The following CHST11 variants were observed in gnomAD, a reference collection of about 807,000 sequenced individuals.
CHST11 encodes the protein C4S-1.
Under a neutral mutation model 30.4 loss-of-function variants are expected in CHST11, and 9 were observed. The observed-to-expected ratio is 0.30, with a 90% confidence interval of 0.18 to 0.52. CHST11 has a LOEUF of 0.52. Ranked by LOEUF, CHST11 falls within the 20% of genes least tolerant of loss-of-function variation. The pLI is 0.97. For missense variants in CHST11, 348 were observed against 460.6 expected, an observed-to-expected ratio of 0.76 and a Z score of 2.24; for synonymous variants, 152 against 187.8, an observed-to-expected ratio of 0.81 and a Z score of 1.56.
intron 1 of CHST11, among the ~76,000 whole-genome samples, chr12:104,516,139 T>C (rs2038020475): frequency 6.6e-6 from 1 of 152,208 alleles, no homozygotes; most frequent in South Asian, 2.1e-4. Context: ...TGCTGGAAGC[T>C]GTCCTGTGCA....
intron 1 of CHST11, among the ~76,000 whole-genome samples, chr12:104,578,994 C>G (rs974218632): frequency 2.6e-5 from 4 of 152,192 alleles, no homozygotes; most frequent in Non-Finnish European, 5.9e-5. Context: ...CTCAAAGTAG[C>G]AACAAAAAGC....
intron 1 of CHST11, among the ~76,000 whole-genome samples, chr12:104,495,017 TTC>T (rs1431360434): frequency 6.6e-6 from 1 of 152,172 alleles, no homozygotes; most frequent in East Asian, 1.9e-4. Flanking sequence ...CCGTTCTACT[TTC>T]TGTTTCTATG....
At chr12:104,708,259 G>A (rs956167309) in intron 2 of CHST11, among the ~76,000 whole-genome samples, 2 of 152,232 alleles carry the variant, frequency 1.3e-5, no homozygotes, top group Non-Finnish European at 2.9e-5. Context: ...CCTTGGTCAG[G>A]TTACTTTATT....
chr12:104,679,294 C>G (rs1332689879), intron 2 of CHST11, among the ~76,000 whole-genome samples: 1 of 152,138 alleles, frequency 6.6e-6, no homozygotes, highest in African/African-American at 2.4e-5. Flanking sequence ...CAAATGCCTT[C>G]TCCACAGTTT....
intron 1 of CHST11, among the ~76,000 whole-genome samples, chr12:104,531,306 T>C (rs988567676): frequency 1.3e-5 from 2 of 151,850 alleles, no homozygotes; most frequent in Non-Finnish European, 2.9e-5. Flanking sequence ...CTGGGCAACA[T>C]AGTGGGACCT....
intron 2 of CHST11, among the ~76,000 whole-genome samples, chr12:104,622,171 A>G (rs1192375858): frequency 6.6e-6 from 1 of 152,212 alleles, no homozygotes; most frequent in Non-Finnish European, 1.5e-5. Context: ...CACACATTCA[A>G]CCTGAAATTT....
chr12:104,637,864 C>G (rs942730430), intron 2 of CHST11, among the ~76,000 whole-genome samples: 4 of 152,116 alleles, frequency 2.6e-5, no homozygotes, highest in African/African-American at 9.7e-5. Flanking sequence ...TTTGCCGCAC[C>G]CCCCCACCCC....
intron 1 of CHST11, among the ~76,000 whole-genome samples, chr12:104,574,095 A>C (rs2038658078): frequency 6.6e-6 from 1 of 152,220 alleles, no homozygotes; most frequent in South Asian, 2.1e-4. Flanking sequence ...ATGCAGCCAA[A>C]AGACACATGA....
intron 2 of CHST11, among the ~76,000 whole-genome samples, chr12:104,704,191 T>C (rs1039608304): frequency 2.0e-5 from 3 of 152,166 alleles, no homozygotes; most frequent in Admixed American, 6.5e-5. Context: ...CACTTCGATA[T>C]ATTCTGGAAG....
At chr12:104,566,374 G>T (rs189268101) in intron 1 of CHST11, among the ~76,000 whole-genome samples, 2 of 152,196 alleles carry the variant, frequency 1.3e-5, no homozygotes, top group Admixed American at 6.5e-5. Context: ...GTTGGGGTGG[G>T]GGGGCGGTCT....
At chr12:104,699,738 C>T (rs1262325371) in intron 2 of CHST11, among the ~76,000 whole-genome samples, 1 of 152,186 alleles carries the variant, frequency 6.6e-6, no homozygotes, top group Admixed American at 6.5e-5. Flanking sequence ...GTAACTGGAG[C>T]CCTTTTGTTC....
chr12:104,674,828 G>A (rs1042197421), intron 2 of CHST11, among the ~76,000 whole-genome samples: 5 of 151,936 alleles, frequency 3.3e-5, no homozygotes, highest in African/African-American at 9.7e-5. Flanking sequence ...GGTATAAAAA[G>A]GATGGTCTTT....
At chr12:104,481,115 T>G (rs537797086) in intron 1 of CHST11, among the ~76,000 whole-genome samples, 1 of 152,216 alleles carries the variant, frequency 6.6e-6, no homozygotes, top group African/African-American at 2.4e-5. Flanking sequence ...TCTGCTCTGC[T>G]GTAACACTGC....
chr12:104,544,284 T>C (rs1303524608), intron 1 of CHST11, among the ~76,000 whole-genome samples: 1 of 152,120 alleles, frequency 6.6e-6, no homozygotes, highest in African/African-American at 2.4e-5. Flanking sequence ...GCTAATTTCT[T>C]AGAAAATAAT....
At chr12:104,646,171 G>A (rs191224963) in intron 2 of CHST11, among the ~76,000 whole-genome samples, 97 of 152,176 alleles carry the variant, frequency 6.4e-4, no homozygotes, top group African/African-American at 2.2e-3. Context: ...AGGGCCCTGC[G>A]AGATCCACTC....
At chr12:104,488,445 ATG>A (rs1178493388) in intron 1 of CHST11, among the ~76,000 whole-genome samples, 1 of 141,460 alleles carries the variant, frequency 7.1e-6, no homozygotes, top group African/African-American at 2.7e-5. Flanking sequence ...GCATGTATGT[ATG>A]TGTGTATATG....
At chr12:104,527,475 A>G (rs2038138341) in intron 1 of CHST11, among the ~76,000 whole-genome samples, 1 of 152,116 alleles carries the variant, frequency 6.6e-6, no homozygotes, top group Non-Finnish European at 1.5e-5. Flanking sequence ...TTTATGACTC[A>G]GTTCTAGGCT....
intron 1 of CHST11, among the ~76,000 whole-genome samples, chr12:104,601,422 T>A (rs1209715109): frequency 1.3e-5 from 2 of 152,240 alleles, no homozygotes; most frequent in African/African-American, 4.8e-5. Context: ...AGGCTGGGCC[T>A]CTGACCTGTC....
chr12:104,675,615 T>A (rs192095028), intron 2 of CHST11, among the ~76,000 whole-genome samples: 46 of 152,336 alleles, frequency 3.0e-4, no homozygotes, highest in African/African-American at 1.0e-3. Flanking sequence ...TTGGACTTTA[T>A]TCAATCCAGG....
Sources: allele counts gnomAD v4.1 joint callset (sites outside exome capture counted in the v4.1 genomes callset), GRCh38; gene constraint gnomAD v4.1.1; transcripts MANE v1.5; gene names NCBI Gene and HGNC (gene_info 2026-07-23, HGNC 2026-07-21).